Variants in PIK3AP1 observed in about 807,000 individuals in gnomAD.
PIK3AP1 encodes the protein phosphoinositide-3-kinase adaptor protein 1.
PIK3AP1 carries 21 observed loss-of-function variants against 88.1 expected under a neutral mutation model. That is an observed-to-expected ratio of 0.24 (90% CI 0.17 to 0.34). The LOEUF is 0.34. PIK3AP1 is among the 10% of genes least tolerant of loss of function. The pLI is 1.00. For synonymous variants in PIK3AP1, 398 were observed against 400.0 expected (o/e 1.00, Z 0.06); for missense variants, 828 against 1,035.7 (o/e 0.80, Z 2.75).
At chr10:96,706,258 T>C (rs1261522800) in intron 2 of PIK3AP1, among the ~76,000 whole-genome samples, 1 of 152,204 alleles carries the variant, frequency 6.6e-6, no homozygotes, top group Non-Finnish European at 1.5e-5. Flanking sequence ...ACAAGTTTCA[T>C]GTACTTATTT....
intron 2 of PIK3AP1, among the ~76,000 whole-genome samples, chr10:96,702,686 T>C (rs972586861): frequency 6.6e-6 from 1 of 151,770 alleles, no homozygotes; most frequent in East Asian, 1.9e-4. Flanking sequence ...GTTAATTAAT[T>C]TGATTGTGAT....
chr10:96,696,114 T>C (rs927912228), intron 2 of PIK3AP1, among the ~76,000 whole-genome samples: 2 of 152,122 alleles, frequency 1.3e-5, no homozygotes, highest in East Asian at 3.8e-4. Flanking sequence ...GTTAGGAAAA[T>C]GGATAATAAC....
At chr10:96,618,316 C>CA (rs1466375751) in intron 12 of PIK3AP1, among the ~76,000 whole-genome samples, 1 of 151,954 alleles carries the variant, frequency 6.6e-6, no homozygotes, top group East Asian at 1.9e-4. Flanking sequence ...ACAACGATAA[C>CA]AAAAAAACCA....
chr10:96,646,511 G>A (rs1461978192), intron 7 of PIK3AP1, among the ~76,000 whole-genome samples: 2 of 152,072 alleles, frequency 1.3e-5, no homozygotes, highest in Non-Finnish European at 2.9e-5. Context: ...ACACAAGAAG[G>A]TGTGACCTTT....
intron 13 of PIK3AP1, among the ~76,000 whole-genome samples, chr10:96,615,420 A>T (rs1849199210): frequency 6.6e-6 from 1 of 152,168 alleles, no homozygotes; most frequent in Non-Finnish European, 1.5e-5. Context: ...TGACTGAGTG[A>T]CTACTCCCTT....
intron 3 of PIK3AP1, among the ~76,000 whole-genome samples, chr10:96,654,752 T>C (rs1337123718): frequency 3.9e-5 from 6 of 152,200 alleles, no homozygotes; most frequent in Non-Finnish European, 7.3e-5. Flanking sequence ...GTGAAGGAGA[T>C]AATGCTTTGG....
chr10:96,713,324 C>T (rs7085217), intron 1 of PIK3AP1, among the ~76,000 whole-genome samples: 2,183 of 150,176 alleles, frequency 0.015, 36 homozygotes, highest in African/African-American at 0.039. Flanking sequence ...GGTGAAACCC[C>T]GTCTCTATTA....
Position 96,633,718 on chromosome 10 carries a change from C to T in PIK3AP1, c.1376-5225G>A, listed in dbSNP as rs369611139. ...TTTTCTGCCTTCAAAGTAATGAATG[C>T]TTATGAGTTCATTGTAATATTTGAA... On this transcript the variant is annotated intron_variant, in intron 8 of 16. Transcript: ENST00000339364. 6.6e-5 allele frequency among the ~76,000 whole-genome samples: 10 copies of T among 152,292 alleles called. No homozygotes were observed. In the East Asian group the frequency reaches 7.7e-4, roughly 12 times the overall value.
rs889128203 is a variant in PIK3AP1 at position 96,602,175 on chromosome 10, G to A, written c.2360+105C>T. The A allele has an allele frequency of 3.7e-5, 36 of 983,458 alleles. 1 individual carries two copies. Among genetic ancestry groups the A allele is most frequent in the Middle Eastern group, 5.2e-4 (2 of 3,880 alleles). 60.9% of individuals were successfully genotyped at this position (983,458 alleles called of 1,614,324 possible). On this transcript the variant is annotated intron_variant, in intron 16 of 16. Coordinates refer to ENST00000339364, the MANE Select transcript of PIK3AP1 (RefSeq NM_152309.3). ...TGGGATTACAGGCATGAGCCACTGC[G>A]CCCAGCTCTGCGCTTATTCTTTAGT...
At chr10:96,675,180 A>G (rs1220444746) in intron 2 of PIK3AP1, among the ~76,000 whole-genome samples, 1 of 138,960 alleles carries the variant, frequency 7.2e-6, no homozygotes, top group Admixed American at 7.6e-5. Context: ...GGTGTGAGCC[A>G]CTGCACCCGG....
intron 2 of PIK3AP1, among the ~76,000 whole-genome samples, chr10:96,687,817 A>C (rs1424457844): frequency 1.3e-5 from 2 of 151,844 alleles, no homozygotes; most frequent in African/African-American, 2.4e-5. Context: ...TGTGGAACTC[A>C]CCACTGCTCT....
chr10:96,685,421 T>C (rs1010150463), intron 2 of PIK3AP1, among the ~76,000 whole-genome samples: 2 of 152,216 alleles, frequency 1.3e-5, no homozygotes, highest in Non-Finnish European at 1.5e-5. Context: ...ACCATCTTCA[T>C]CTGCCCACAG....
intron 2 of PIK3AP1, chr10:96,700,788 T>A: frequency 2.0e-6 from 2 of 984,954 alleles, no homozygotes; most frequent in Non-Finnish European, 2.4e-6. Flanking sequence ...GCCCCAGAAG[T>A]CGTCCATGAC....
intron 2 of PIK3AP1, among the ~76,000 whole-genome samples, chr10:96,672,503 A>T (rs1015649070): frequency 4.6e-5 from 7 of 152,028 alleles, no homozygotes; most frequent in Non-Finnish European, 7.4e-5. Flanking sequence ...AGCACTCCCC[A>T]CTCCCTTAAA....
At chr10:96,676,253 C>T (rs962241192) in intron 2 of PIK3AP1, among the ~76,000 whole-genome samples, 2 of 151,948 alleles carry the variant, frequency 1.3e-5, no homozygotes, top group African/African-American at 2.4e-5. Context: ...TATGCTGTAT[C>T]CATTGTAAGC....
chr10:96,659,920 T>C (rs988617724), intron 2 of PIK3AP1, among the ~76,000 whole-genome samples: 2 of 152,138 alleles, frequency 1.3e-5, no homozygotes, highest in Non-Finnish European at 2.9e-5. Flanking sequence ...TTCTTTATAA[T>C]ACTAATTATT....
chr10:96,687,371 T>C lies in PIK3AP1; in HGVS notation c.430+22196A>G, dbSNP rs115785159. ...CACAGAGCCTGGTCCATGGTGGGTG[T>C]TTGATAAATAGTGAATTAAGAAAAA... On this transcript the variant is annotated intron_variant, in intron 2 of 16. Transcript: ENST00000339364. 3.8e-3 allele frequency among the ~76,000 whole-genome samples: 581 copies of C among 151,896 alleles called. 3 individuals carry two copies. The highest frequency in any genetic ancestry group is 0.014 in the African/African-American group (568 of 41,370).
At chr10:96,687,869 T>C (rs1215640924) in intron 2 of PIK3AP1, among the ~76,000 whole-genome samples, 1 of 152,154 alleles carries the variant, frequency 6.6e-6, no homozygotes, top group East Asian at 1.9e-4. Context: ...TGCCCATCCC[T>C]CTCTGCCATC....
intron 10 of PIK3AP1, among the ~76,000 whole-genome samples, chr10:96,625,132 G>A (rs1026647000): frequency 5.9e-5 from 9 of 152,154 alleles, no homozygotes; most frequent in East Asian, 1.9e-4. Flanking sequence ...TGTAGAATGC[G>A]CAACTAAGAA....
Sources: allele counts gnomAD v4.1 joint callset (sites outside exome capture counted in the v4.1 genomes callset), GRCh38; gene constraint gnomAD v4.1.1; transcripts MANE v1.5; gene names NCBI Gene and HGNC (gene_info 2026-07-23, HGNC 2026-07-21).